MST1R: variants seen among roughly 807,000 people sequenced by gnomAD.
The protein encoded by MST1R is macrophage stimulating 1 receptor.
A neutral mutation model predicts 117.8 loss-of-function variants in MST1R; 99 were observed. That is an observed-to-expected ratio of 0.84 (90% CI 0.71 to 0.99). The LOEUF (loss-of-function observed/expected upper bound fraction) is 0.99, where lower values mean the gene tolerates loss of function less well. MST1R is among the 50% of genes least tolerant of loss of function. The pLI is 0.00. For missense variants in MST1R, 1,683 were observed against 1,840.2 expected (o/e 0.91, Z 1.56); for synonymous variants, 734 against 765.3 (o/e 0.96, Z 0.68).
At chr3:49,890,398 G>A in intron 18 of MST1R, 87 bp downstream of exon 18, 1 of 1,428,444 alleles carries the variant, frequency 7.0e-7, no homozygotes, top group Non-Finnish European at 9.5e-7. Context: ...GGACTCCCTG[G>A]GCTCAGATCA....
chr3:49,895,056 C>T, intron 14 of MST1R, 111 bp downstream of exon 14: 1 of 1,118,216 alleles, frequency 8.9e-7, no homozygotes, highest in Non-Finnish European at 1.3e-6. Flanking sequence ...CATGATCTGC[C>T]CGCCTCGGCC....
At chr3:49,900,902 C>T (rs2082654582) in intron 1 of MST1R, among the ~76,000 whole-genome samples, 1 of 152,208 alleles carries the variant, frequency 6.6e-6, no homozygotes, top group Non-Finnish European at 1.5e-5. Context: ...CTGAGGCCAA[C>T]CACTATGTGG....
At position 49,889,986 on chromosome 3, in the gene MST1R, G is replaced by C; in HGVS notation, c.3885C>G (p.Asp1295Glu). 4 of 1,614,112 alleles carry C rather than the reference G, an allele frequency of 2.5e-6. No individual in the cohort carries two copies. Among genetic ancestry groups the C allele is most frequent in the Non-Finnish European group, 3.4e-6 (4 of 1,179,992 alleles). ...APPYRHIDPF[D>E]LTHFLAQGRR... Reference sequence around the variant, plus strand: ...GACCCTGGGCCAGGAAGTGGGTAAGGTCAAAAGGGTCAATGTGGCGGTATG... The same window carrying C: ...GACCCTGGGCCAGGAAGTGGGTAAGCTCAAAAGGGTCAATGTGGCGGTATG... Residue 1295 changes from aspartate (D) to glutamate (E), a missense_variant, in exon 19 of 20, where the codon GAC becomes GAG. Asp to Glu is a conservative substitution (Grantham distance 45, BLOSUM62 2). Coordinates refer to ENST00000296474, the MANE Select transcript of MST1R (RefSeq NM_002447.4).
In MST1R at chr3:49,890,093, C is replaced by T. The variant is rs768520132; in HGVS notation, c.3811-33G>A. ...AAGGGGGAGGTGAGGGGACTCAACTCACCCCAAATTTGGGGGCAGGTGGGT... is the reference window on the plus strand; with the variant it reads ...AAGGGGGAGGTGAGGGGACTCAACTTACCCCAAATTTGGGGGCAGGTGGGT... On this transcript the variant is annotated intron_variant, in intron 18 of 19. Coordinates refer to ENST00000296474, the MANE Select transcript of MST1R (RefSeq NM_002447.4). 8 of 1,553,596 alleles carry T rather than the reference C, an allele frequency of 5.1e-6. No homozygotes were observed. The East Asian group carries it at 1.1e-4, about 22-fold the overall frequency.
intron 7 of MST1R, 97 bp downstream of exon 7, chr3:49,897,183 A>C (rs2108453241): frequency 6.7e-7 from 1 of 1,490,060 alleles, no homozygotes; most frequent in Non-Finnish European, 9.0e-7. Flanking sequence ...CACCACACTG[A>C]CCATGTAACA....
Position 49,887,575 on chromosome 3 carries a change from A to G in MST1R, c.3948-13T>C, listed in dbSNP as rs769890619. 76 of 1,612,144 alleles carry G rather than the reference A, an allele frequency of 4.7e-5. No individual in the cohort carries two copies. Among genetic ancestry groups the G allele is most frequent in the Non-Finnish European group, 5.9e-5 (69 of 1,179,038 alleles). On this transcript the variant is annotated splice_polypyrimidine_tract_variant and intron_variant, in intron 19 of 19. Transcript: ENST00000296474. ...CATCACTTGGTACCTGTTGGGGGAA[A>G]GGGATGTCAGGTTAAGGCAATTTCC...
intron 14 of MST1R, among the ~76,000 whole-genome samples, chr3:49,892,703 T>C (rs2082349581): frequency 6.8e-6 from 1 of 148,138 alleles, no homozygotes. Context: ...CCTTTAATCC[T>C]AATACTTTGG....
At chr3:49,891,866 G>A (rs370949807) in intron 14 of MST1R, 28 bp from the exon 15 acceptor site, 3 of 1,606,062 alleles carry the variant, frequency 1.9e-6, no homozygotes, top group African/African-American at 1.3e-5. Context: ...ATGAGTCGAT[G>A]AGAGGGGATC....
chr3:49,895,583 C>T, intron 12 of MST1R, 35 bp from the exon 13 acceptor site: 3 of 1,613,236 alleles, frequency 1.9e-6, no homozygotes, highest in Non-Finnish European at 2.5e-6. Flanking sequence ...CTTGGCTTTC[C>T]AAGCTCCTAG....
In MST1R at chr3:49,897,143, G is replaced by A. The variant is rs1034768975; in HGVS notation, c.2183+137C>T. 9 of 1,324,980 alleles carry A rather than the reference G, an allele frequency of 6.8e-6. No homozygotes were observed. In the African/African-American group the frequency reaches 1.3e-4, roughly 19 times the overall value. 82.1% of individuals were successfully genotyped at this position (1,324,980 alleles called of 1,614,324 possible). ...TCTTGCCTCTGGGCTGAAGAGGGCA[G>A]TAGTCTTTTCTTCCTGGACCTGCTC... On this transcript the variant is annotated intron_variant, in intron 7 of 19. Transcript: ENST00000296474.
At chr3:49,900,727 T>C (rs890112490) in intron 1 of MST1R, among the ~76,000 whole-genome samples, 2 of 152,242 alleles carry the variant, frequency 1.3e-5, no homozygotes, top group Admixed American at 6.5e-5. Flanking sequence ...TGAAGGGGAA[T>C]AGAGCCCTAC....
In MST1R at chr3:49,898,558, C is replaced by T. The variant is rs369882414; in HGVS notation, c.1679G>A (p.Gly560Asp). The change falls in exon 4 of 20, where the codon GGC becomes GAC. Residue 560 changes from glycine to aspartate, a missense_variant. Gly to Asp is a moderately conservative substitution (Grantham distance 94). Coordinates refer to ENST00000296474, the MANE Select transcript of MST1R (RefSeq NM_002447.4). ...NMCGQQKECP[G>D]SWQQDHCPPK... is the part of the protein sequence containing the mutation. Reference sequence around the variant, plus strand: ...TGGGCAGTGGTCCTGTTGCCAGGAGCCAGGACACTCCTTCTGCTGGCCGCA... The same window carrying T: ...TGGGCAGTGGTCCTGTTGCCAGGAGTCAGGACACTCCTTCTGCTGGCCGCA... The T allele has an allele frequency of 7.4e-6, 12 of 1,613,920 alleles. No homozygotes were observed. Among genetic ancestry groups the T allele is most frequent in the Non-Finnish European group, 1.0e-5 (12 of 1,180,046 alleles).
intron 1 of MST1R, among the ~76,000 whole-genome samples, chr3:49,900,138 A>G (rs558740719): frequency 6.6e-6 from 1 of 152,288 alleles, no homozygotes; most frequent in South Asian, 2.1e-4. Flanking sequence ...CCTTCTCCCT[A>G]GACTCCAAAG....
chr3:49,887,006 T>C lies in MST1R; in HGVS notation c.*301A>G. 2 of 445,570 alleles carry C rather than the reference T, an allele frequency of 4.5e-6. No homozygotes were observed. The highest frequency in any genetic ancestry group is 8.0e-6 in the Non-Finnish European group (2 of 248,472). The allele number at this position is 445,570 out of a possible 1,614,324, so 27.6% of individuals were successfully genotyped here. On this transcript the variant is annotated 3_prime_UTR_variant, in exon 20 of 20. Coordinates refer to ENST00000296474, the MANE Select transcript of MST1R (RefSeq NM_002447.4). ...CTTTCACACTGTTTGCTACAATTTG[T>C]GCTTTAATAGTCATTTGTTCCTTTA...
intron 14 of MST1R, among the ~76,000 whole-genome samples, chr3:49,892,959 C>CA (rs1442742845): frequency 6.6e-6 from 1 of 150,626 alleles, no homozygotes; most frequent in African/African-American, 2.4e-5. Context: ...GACTCTGTCT[C>CA]AAAAAAATAA....
rs2082267303 is a variant in MST1R at position 49,890,009 on chromosome 3, A to G, written c.3862T>C (p.Tyr1288His). 2 of 1,613,678 alleles carry G rather than the reference A, an allele frequency of 1.2e-6. No homozygotes were observed. Among genetic ancestry groups the G allele is most frequent in the Non-Finnish European group, 8.5e-7 (1 of 1,179,878 alleles). Residue 1288 changes from tyrosine (Y) to histidine (H), a missense_variant, in exon 19 of 20, where the codon TAC (tyrosine) becomes CAC (histidine). By Grantham distance (83) the Tyr-to-His change is moderately conservative (BLOSUM62 2). Coordinates refer to ENST00000296474, the MANE Select transcript of MST1R (RefSeq NM_002447.4). ...AGGTCAAAAGGGTCAATGTGGCGGT[A>G]TGGTGGGGCACCCCGTGTCAGCAGT... is the stretch of plus-strand genomic sequence containing the variant. ...WELLTRGAPP[Y>H]RHIDPFDLTH... is the part of the protein sequence containing the mutation.
rs777962712 is a variant in MST1R, at chr3:49,891,779, A to G, written c.3331T>C (p.Cys1111Arg). 5.6e-6 allele frequency: 9 copies of G among 1,614,040 alleles called. No individual in the cohort carries two copies. Among genetic ancestry groups the G allele is most frequent in the Non-Finnish European group, 7.6e-6 (9 of 1,179,980 alleles). Residue 1111 changes from cysteine (C) to arginine (R), a missense_variant, in exon 15 of 20, where the codon TGT (cysteine) becomes CGT (arginine). Coordinates refer to ENST00000296474, the MANE Select transcript of MST1R (RefSeq NM_002447.4). ...YIDQAQNRIQCAIKSLSRITE... is the reference protein window; with the variant it reads ...YIDQAQNRIQRAIKSLSRITE... ...TTACGACTTAGTGACTTGATGGCAC[A>G]TTGGATTCGATTCTGGGCCTGGTCT...
Position 49,903,576 on chromosome 3 carries a change from G to A in MST1R, c.34C>T (p.Leu12=). ...ELLPPLPQSF[L]LLLLLPAKPA... ...TTGGCAGGCAACAGCAGCAGCAACA[G>A]GAAGGACTGAGGCAGCGGCGGGAGG... The change falls in exon 1 of 20, where the codon CTG becomes TTG. Residue 12 remains leucine (L), a synonymous_variant. Coordinates refer to ENST00000296474, the MANE Select transcript of MST1R (RefSeq NM_002447.4). The A allele has an allele frequency of 6.3e-7, 1 of 1,583,974 alleles. No homozygotes were observed. The highest frequency in any genetic ancestry group is 8.5e-7 in the Non-Finnish European group (1 of 1,170,570).
chr3:49,897,251 G>A, intron 7 of MST1R, 29 bp downstream of exon 7: 1 of 1,577,778 alleles, frequency 6.3e-7, no homozygotes, highest in Non-Finnish European at 8.6e-7. Flanking sequence ...GAACCCTGCG[G>A]CCTCCCATGC....
Sources: gnomAD v4.1 joint callset for allele counts (sites outside exome capture counted in the v4.1 genomes callset) on GRCh38, gnomAD v4.1.1 for gene constraint, MANE v1.5 for transcripts, NCBI Gene and HGNC (gene_info 2026-07-23, HGNC 2026-07-21) for gene names.